The following PTPRD variants were observed in gnomAD, a reference collection of about 807,000 sequenced individuals.
PTPRD encodes the protein receptor-type tyrosine-protein phosphatase delta.
A neutral mutation model predicts 214.5 loss-of-function variants in PTPRD; 34 were observed. That is an observed-to-expected ratio of 0.16 (90% CI 0.12 to 0.21). PTPRD has a LOEUF of 0.21. Among genes scored for constraint, PTPRD ranks in the 10% least tolerant of loss-of-function variants. The pLI is 1.00. For missense variants in PTPRD, 2,545 were observed against 2,398.7 expected, an observed-to-expected ratio of 1.06 and a Z score of -1.27; for synonymous variants, 1,128 against 845.7, an observed-to-expected ratio of 1.33 and a Z score of -5.79.
chr9:9,098,998 T>A (rs1239049974), intron 10 of PTPRD, among the ~76,000 whole-genome samples: 1 of 152,304 alleles, frequency 6.6e-6, no homozygotes, highest in East Asian at 1.9e-4. Context: ...AAAAATGTGG[T>A]CTGATAAAAT....
intron 5 of PTPRD, among the ~76,000 whole-genome samples, chr9:9,903,295 G>C (rs2076823606): frequency 6.6e-6 from 1 of 152,036 alleles, no homozygotes; most frequent in South Asian, 2.1e-4. Flanking sequence ...AAGAACTCGA[G>C]TAGTATTTTA....
intron 9 of PTPRD, among the ~76,000 whole-genome samples, chr9:9,302,003 G>A (rs541013894): frequency 2.6e-5 from 4 of 151,996 alleles, no homozygotes; most frequent in South Asian, 4.1e-4. Flanking sequence ...TCAGCCTGCC[G>A]TGGCTGTAAT....
In PTPRD at chr9:9,998,121, A is replaced by ATATATAT. The variant is rs1326721044; in HGVS notation, c.-472+35596_-472+35597insATATATA. On this transcript the variant is annotated intron_variant, in intron 4 of 45. Coordinates refer to ENST00000381196, the MANE Select transcript of PTPRD (RefSeq NM_002839.4). ...CCTAGAACTTAAAGTATAATAAAAA[A>ATATATAT]AAAAAAAAATATATATATATATATA... Among the ~76,000 whole-genome samples, 26 of 50,246 alleles carry ATATATAT rather than the reference A, an allele frequency of 5.2e-4. 1 individual carries two copies. In the South Asian group the frequency reaches 6.3e-3, roughly 12 times the overall value. The allele number at this position is 50,246 out of a possible 152,430, so 33.0% of individuals were successfully genotyped here.
chr9:9,700,844 C>T (rs2097484808), intron 7 of PTPRD, among the ~76,000 whole-genome samples: 2 of 151,934 alleles, frequency 1.3e-5, no homozygotes, highest in South Asian at 4.2e-4. Context: ...AATATAAAGA[C>T]AAATGAAAAA....
chr9:8,769,703 T>C (rs934986328), intron 11 of PTPRD, among the ~76,000 whole-genome samples: 15 of 152,102 alleles, frequency 9.9e-5, no homozygotes, highest in Admixed American at 7.9e-4. Context: ...AGCAACTCTG[T>C]TCAACAGTTT....
intron 11 of PTPRD, among the ~76,000 whole-genome samples, chr9:8,740,246 T>C (rs2091573027): frequency 6.6e-6 from 1 of 152,184 alleles, no homozygotes; most frequent in Non-Finnish European, 1.5e-5. Flanking sequence ...GAAATAGTGT[T>C]AACGAATGTT....
At chr9:9,148,106 C>T (rs1033164137) in intron 10 of PTPRD, among the ~76,000 whole-genome samples, 2 of 152,070 alleles carry the variant, frequency 1.3e-5, no homozygotes, top group African/African-American at 2.4e-5. Context: ...GCAAGAAAAA[C>T]ATACAAAAAT....
At chr9:8,533,745 T>C (rs1325440663) in intron 14 of PTPRD, among the ~76,000 whole-genome samples, 1 of 152,042 alleles carries the variant, frequency 6.6e-6, no homozygotes, top group East Asian at 1.9e-4. Context: ...CAGGAGCTAT[T>C]TGTTACTTTC....
At chr9:8,808,537 A>C (rs2096734963) in intron 11 of PTPRD, among the ~76,000 whole-genome samples, 1 of 146,482 alleles carries the variant, frequency 6.8e-6, no homozygotes, top group Non-Finnish European at 1.5e-5. Flanking sequence ...GCAAAACCAT[A>C]GTACACTAAA....
chr9:9,651,017 T>C (rs538678811), intron 7 of PTPRD, among the ~76,000 whole-genome samples: 1 of 152,172 alleles, frequency 6.6e-6, no homozygotes, highest in African/African-American at 2.4e-5. Flanking sequence ...AAAAAGACTA[T>C]TAATTAGGAT....
chr9:8,435,605 C>T (rs1320491085), intron 35 of PTPRD, among the ~76,000 whole-genome samples: 2 of 152,044 alleles, frequency 1.3e-5, no homozygotes, highest in Non-Finnish European at 2.9e-5. Flanking sequence ...ATCAACAATG[C>T]ATTAATTGGC....
chr9:9,390,060 G>A (rs746539701), intron 9 of PTPRD, among the ~76,000 whole-genome samples: 8 of 152,164 alleles, frequency 5.3e-5, no homozygotes, highest in Non-Finnish European at 8.8e-5. Flanking sequence ...AGACTTCAAG[G>A]TTGCTAGGGG....
chr9:8,787,014 T>C (rs1248006879), intron 11 of PTPRD, among the ~76,000 whole-genome samples: 1 of 152,126 alleles, frequency 6.6e-6, no homozygotes, highest in African/African-American at 2.4e-5. Flanking sequence ...TATTTTCTTT[T>C]TTTTGTAGAC....
intron 9 of PTPRD, among the ~76,000 whole-genome samples, chr9:9,295,145 C>T (rs1018653989): frequency 1.3e-4 from 20 of 151,738 alleles, no homozygotes; most frequent in East Asian, 7.8e-4. Flanking sequence ...AAATAAAATA[C>T]GTCCTTTAAA....
chr9:9,493,787 C>CAAAAA (rs750252052), intron 8 of PTPRD, among the ~76,000 whole-genome samples: 1,304 of 50,130 alleles, frequency 0.026, no homozygotes, highest in Middle Eastern at 0.043. Context: ...GACTCCGTCT[C>CAAAAA]AAAAAAAAAA....
intron 12 of PTPRD, among the ~76,000 whole-genome samples, chr9:8,715,875 C>A (rs1040326647): frequency 6.6e-6 from 1 of 152,222 alleles, no homozygotes. Flanking sequence ...ATTCAAAAGT[C>A]ATTTTCACAG....
intron 15 of PTPRD, among the ~76,000 whole-genome samples, chr9:8,527,897 C>T (rs559771343): frequency 6.6e-6 from 1 of 152,240 alleles, no homozygotes; most frequent in South Asian, 2.1e-4. Flanking sequence ...CGGGCGCACA[C>T]TACTGTGGCT....
At chr9:9,825,153 C>G (rs1240549322) in intron 5 of PTPRD, among the ~76,000 whole-genome samples, 1 of 151,660 alleles carries the variant, frequency 6.6e-6, no homozygotes, top group Non-Finnish European at 1.5e-5. Context: ...TGAGACAATT[C>G]CCCTATCTGC....
intron 2 of PTPRD, among the ~76,000 whole-genome samples, chr9:10,547,605 C>T (rs904610369): frequency 2.6e-5 from 4 of 151,852 alleles, no homozygotes; most frequent in African/African-American, 9.7e-5. Context: ...ATAGTATATG[C>T]TTCATTCTAG....
Sources: gnomAD v4.1 joint callset for allele counts (sites outside exome capture counted in the v4.1 genomes callset) on GRCh38, gnomAD v4.1.1 for gene constraint, MANE v1.5 for transcripts, NCBI Gene and HGNC (gene_info 2026-07-23, HGNC 2026-07-21) for gene names.